TRHDE: variants seen among roughly 807,000 people sequenced by gnomAD.
TRHDE encodes the protein thyrotropin releasing hormone degrading enzyme.
Under a neutral mutation model 125.7 loss-of-function variants are expected in TRHDE, and 72 were observed. The observed-to-expected ratio is 0.57, with a 90% CI of 0.47 to 0.70. The LOEUF (loss-of-function observed/expected upper bound fraction) is 0.70. Ranked by LOEUF, TRHDE falls within the 30% of genes least tolerant of loss-of-function variation. TRHDE has a pLI of 0.00. For missense variants in TRHDE, 1,110 were observed against 1,327.1 expected, an observed-to-expected ratio of 0.84 and a Z score of 2.54; for synonymous variants, 509 against 509.1, an observed-to-expected ratio of 1.00 and a Z score of 0.00.
rs372382551 is a variant in TRHDE at position 72,177,776 on chromosome 12, T to A, written n.279+72024T>A. 1.5e-4 allele frequency among the ~76,000 whole-genome samples: 23 copies of A among 152,126 alleles called. No homozygotes were observed. In the East Asian group the frequency reaches 4.2e-3, roughly 28 times the overall value. On this transcript the variant is annotated intron_variant and non_coding_transcript_variant, in intron 2 of 4. Transcript: ENST00000548156. Reference sequence around the variant, plus strand: ...GTGTAAAATAATAAATTATAAACTATCATCAGAGCCTATATATTTGTATTA... The same window carrying A: ...GTGTAAAATAATAAATTATAAACTAACATCAGAGCCTATATATTTGTATTA...
intron 2 of TRHDE, among the ~76,000 whole-genome samples, chr12:72,334,374 T>C (rs537757187): frequency 5.9e-5 from 9 of 152,358 alleles, no homozygotes; most frequent in African/African-American, 1.7e-4. Flanking sequence ...AAACTCTAGT[T>C]TGTTGTGAGT....
chr12:72,177,120 A>G (rs1877005350), intron 2 of TRHDE, among the ~76,000 whole-genome samples: 1 of 151,980 alleles, frequency 6.6e-6, no homozygotes, highest in Admixed American at 6.6e-5. Context: ...AGCATCACCA[A>G]AGGTTTTTTT....
chr12:72,626,503 G>A (rs942435104), intron 15 of TRHDE, among the ~76,000 whole-genome samples: 7 of 151,992 alleles, frequency 4.6e-5, no homozygotes, highest in African/African-American at 1.7e-4. Context: ...TTACAAGGAT[G>A]TGACCTGTGA....
chr12:72,224,068 A>G (rs1878053661), intron 2 of TRHDE, among the ~76,000 whole-genome samples: 3 of 69,744 alleles, frequency 4.3e-5, no homozygotes, highest in Admixed American at 1.7e-4. Flanking sequence ...TGTCCTTCCT[A>G]TCTATCTATC....
At chr12:72,662,965 G>A in intron 18 of TRHDE, 87 bp from the exon 19 acceptor site, 1 of 1,373,618 alleles carries the variant, frequency 7.3e-7, no homozygotes, top group Non-Finnish European at 9.9e-7. Flanking sequence ...GTTTTTTAAT[G>A]TTTCAAATAG....
chr12:72,119,242 A>C (rs1408363493), intron 2 of TRHDE, among the ~76,000 whole-genome samples: 1 of 152,008 alleles, frequency 6.6e-6, no homozygotes, highest in Non-Finnish European at 1.5e-5. Context: ...TTGTGTTTTC[A>C]TTATCATTTG....
At chr12:72,430,401 G>A (rs532929270) in intron 3 of TRHDE, among the ~76,000 whole-genome samples, 85 of 139,112 alleles carry the variant, frequency 6.1e-4, no homozygotes, top group Non-Finnish European at 7.2e-4. Context: ...ATACACACAC[G>A]TATATATATG....
At chr12:72,412,877 A>T (rs1873570421) in intron 3 of TRHDE, among the ~76,000 whole-genome samples, 1 of 152,050 alleles carries the variant, frequency 6.6e-6, no homozygotes, top group Admixed American at 6.6e-5. Flanking sequence ...ATAACTAGGT[A>T]ATACAATTTT....
At chr12:72,350,312 AG>A (rs2135739562) in intron 2 of TRHDE, among the ~76,000 whole-genome samples, 1 of 152,154 alleles carries the variant, frequency 6.6e-6, no homozygotes, top group Non-Finnish European at 1.5e-5. Flanking sequence ...CCTGGAGCAA[AG>A]TAGGAAACAT....
chr12:72,429,434 G>A (rs1874344931), intron 3 of TRHDE, among the ~76,000 whole-genome samples: 1 of 151,566 alleles, frequency 6.6e-6, no homozygotes, highest in South Asian at 2.1e-4. Flanking sequence ...CATCAGGTGA[G>A]GGACATTTAC....
At chr12:72,373,548 A>C (rs1037883461) in intron 2 of TRHDE, among the ~76,000 whole-genome samples, 2 of 152,188 alleles carry the variant, frequency 1.3e-5, no homozygotes, top group African/African-American at 4.8e-5. Flanking sequence ...AAATGGTAGC[A>C]AGAAGCAAAA....
Position 72,273,300 on chromosome 12 carries a change from G to A in TRHDE, c.657G>A (p.Arg219=). The A allele has an allele frequency of 2.5e-6, 4 of 1,613,670 alleles. No homozygotes were observed. The highest frequency in any genetic ancestry group is 3.4e-6 in the Non-Finnish European group (4 of 1,179,928). Residue 219 remains arginine, a synonymous_variant, in exon 1 of 19, where the codon CGG becomes CGA. Coordinates refer to ENST00000261180, the MANE Select transcript of TRHDE (RefSeq NM_013381.3). This position sits in a 1 kb window ranked among gnomAD's most constrained non-coding sequence, Gnocchi z 5.3. ...AGGTCAACGTGGAGATCGCGTGCCG[G>A]AACGCCACCCGCTACGTAGTGCTGC... ...SGEVNVEIAC[R]NATRYVVLHA...
intron 2 of TRHDE, among the ~76,000 whole-genome samples, chr12:72,339,898 A>C (rs1870003826): frequency 6.6e-6 from 1 of 152,128 alleles, no homozygotes; most frequent in Non-Finnish European, 1.5e-5. Flanking sequence ...CTGGGAGAGA[A>C]GGGGTAAGGG....
chr12:72,245,302 CATAGGTGG>C (rs1309624659), intron 2 of TRHDE, among the ~76,000 whole-genome samples: 4 of 149,290 alleles, frequency 2.7e-5, no homozygotes, highest in Non-Finnish European at 4.4e-5. Context: ...CATCTCTTTA[CATAGGTGG>C]ATAGGTAGAT....
chr12:72,123,352 T>C (rs1290223571), intron 2 of TRHDE, among the ~76,000 whole-genome samples: 2 of 152,154 alleles, frequency 1.3e-5, no homozygotes, highest in Admixed American at 1.3e-4. Context: ...AAATATCTAT[T>C]AAAATATTCT....
intron 2 of TRHDE, among the ~76,000 whole-genome samples, chr12:72,331,139 G>A (rs1869575423): frequency 6.6e-6 from 1 of 151,996 alleles, no homozygotes; most frequent in Non-Finnish European, 1.5e-5. Flanking sequence ...AACTTTATTG[G>A]GTGTATCATT....
intron 2 of TRHDE, among the ~76,000 whole-genome samples, chr12:72,128,860 G>A (rs1006894767): frequency 1.7e-4 from 26 of 152,000 alleles, no homozygotes; most frequent in African/African-American, 5.8e-4. Context: ...GGAAATAGAA[G>A]GAACATTTGG....
At chr12:72,541,102 G>C (rs1592523678) in intron 6 of TRHDE, among the ~76,000 whole-genome samples, 1 of 151,600 alleles carries the variant, frequency 6.6e-6, no homozygotes, top group East Asian at 1.9e-4. Flanking sequence ...TTCTATATGT[G>C]ATTCTTACGA....
chr12:72,155,131 C>T (rs1356402449), intron 2 of TRHDE, among the ~76,000 whole-genome samples: 1 of 152,190 alleles, frequency 6.6e-6, no homozygotes, highest in Non-Finnish European at 1.5e-5. Flanking sequence ...CTTCTCACTT[C>T]ATTTCATTCA....
Sources: gnomAD v4.1 joint callset for allele counts (sites outside exome capture counted in the v4.1 genomes callset) on GRCh38, gnomAD v4.1.1 for gene constraint, Gnocchi (gnomAD v3.1) non-coding constraint, MANE v1.5 for transcripts, NCBI Gene and HGNC (gene_info 2026-07-23, HGNC 2026-07-21) for gene names.